CBLB: variants seen among roughly 807,000 people sequenced by gnomAD.
CBLB encodes Cbl proto-oncogene B.
CBLB carries 31 observed loss-of-function variants against 104.9 expected under a neutral mutation model. The observed-to-expected ratio is 0.30, with a 90% CI of 0.22 to 0.40. The LOEUF (loss-of-function observed/expected upper bound fraction) is 0.40, where lower values mean the gene tolerates loss of function less well. CBLB is among the 10% of genes least tolerant of loss of function. The pLI, the probability that CBLB is intolerant of heterozygous loss-of-function variation, is 1.00. For missense variants in CBLB, 1,062 were observed against 1,214.6 expected (o/e 0.87, Z 1.87); for synonymous variants, 440 against 422.6 (o/e 1.04, Z -0.51).
intron 3 of CBLB, among the ~76,000 whole-genome samples, chr3:105,783,515 T>TA (rs1245292411): frequency 6.6e-6 from 1 of 152,204 alleles, no homozygotes; most frequent in East Asian, 1.9e-4. Context: ...AAGTATTTGA[T>TA]ACAGTCATTT....
chr3:105,861,643 T>TC (rs1388876262), intron 2 of CBLB, among the ~76,000 whole-genome samples: 1 of 151,156 alleles, frequency 6.6e-6, no homozygotes, highest in Non-Finnish European at 1.5e-5. Flanking sequence ...CTTTTTTTTT[T>TC]CCCACCAATC....
At chr3:105,805,135 A>G (rs1040887397) in intron 3 of CBLB, among the ~76,000 whole-genome samples, 4 of 152,090 alleles carry the variant, frequency 2.6e-5, no homozygotes, top group African/African-American at 4.8e-5. Context: ...TCATCTTTCT[A>G]AAGCACAGGT....
At chr3:105,809,776 T>C (rs1343317975) in intron 3 of CBLB, among the ~76,000 whole-genome samples, 2 of 152,112 alleles carry the variant, frequency 1.3e-5, no homozygotes, top group African/African-American at 4.8e-5. Flanking sequence ...AGGGATCAGA[T>C]GGGGGAAAGG....
chr3:105,806,944 G>A (rs1368194727), intron 3 of CBLB, among the ~76,000 whole-genome samples: 1 of 152,090 alleles, frequency 6.6e-6, no homozygotes, highest in African/African-American at 2.4e-5. Flanking sequence ...AACTAAAAAT[G>A]GAACCATATG....
chr3:105,748,718 A>G (rs1024724292), intron 5 of CBLB, among the ~76,000 whole-genome samples: 1 of 152,208 alleles, frequency 6.6e-6, no homozygotes, highest in Non-Finnish European at 1.5e-5. Flanking sequence ...GTGACTCCCA[A>G]GTATTTGTTC....
chr3:105,761,754 A>C (rs1425913729), intron 4 of CBLB, among the ~76,000 whole-genome samples: 2 of 152,234 alleles, frequency 1.3e-5, no homozygotes, highest in Non-Finnish European at 2.9e-5. Flanking sequence ...TGCTGTAAAG[A>C]TACCCAAAAA....
intron 9 of CBLB, among the ~76,000 whole-genome samples, chr3:105,728,214 C>T (rs2073911222): frequency 6.6e-6 from 1 of 152,008 alleles, no homozygotes; most frequent in Admixed American, 6.6e-5. Context: ...TTAGAAAACC[C>T]CGTCGTCTCA....
At chr3:105,695,189 T>C (rs1423089233) in intron 12 of CBLB, among the ~76,000 whole-genome samples, 1 of 151,862 alleles carries the variant, frequency 6.6e-6, no homozygotes, top group African/African-American at 2.4e-5. Context: ...TAGTTTGTTA[T>C]TTTAGGACAA....
At chr3:105,759,176 AAG>A (rs2077366381) in intron 4 of CBLB, among the ~76,000 whole-genome samples, 1 of 152,198 alleles carries the variant, frequency 6.6e-6, no homozygotes, top group East Asian at 1.9e-4. Flanking sequence ...CAAGGAGTCA[AAG>A]AGACTCAAAT....
intron 3 of CBLB, among the ~76,000 whole-genome samples, chr3:105,789,523 C>T (rs779709688): frequency 7.9e-5 from 12 of 152,122 alleles, no homozygotes; most frequent in Non-Finnish European, 1.8e-4. Flanking sequence ...AACGTATTTA[C>T]TTAGATAACC....
At chr3:105,688,646 C>A (rs897277974) in intron 13 of CBLB, among the ~76,000 whole-genome samples, 1 of 151,938 alleles carries the variant, frequency 6.6e-6, no homozygotes, top group Non-Finnish European at 1.5e-5. Flanking sequence ...TTACATTATC[C>A]CAATCCTAAC....
rs183595181 is a variant in CBLB at position 105,862,919 on chromosome 3, G to A, written c.168+4491C>T. On this transcript the variant is annotated intron_variant, in intron 2 of 18. Transcript: ENST00000394030. ...GCAAGCAACGGTTCACCTCTACCAC[G>A]TACTACATCTCAGCACTTTATTTAT... 5.9e-5 allele frequency among the ~76,000 whole-genome samples: 9 copies of A among 152,054 alleles called. No homozygotes were observed. In the South Asian group the frequency reaches 1.2e-3, roughly 21 times the overall value.
At chr3:105,681,380 AC>A in intron 16 of CBLB, 98 bp downstream of exon 16, 1 of 1,293,496 alleles carries the variant, frequency 7.7e-7, no homozygotes, top group East Asian at 2.4e-5. Flanking sequence ...CAAATTCACA[AC>A]CCAGTGAGTC....
chr3:105,867,103 G>A (rs2092468236), intron 2 of CBLB, among the ~76,000 whole-genome samples: 1 of 152,106 alleles, frequency 6.6e-6, no homozygotes, highest in Non-Finnish European at 1.5e-5. Flanking sequence ...ACAGAAGACA[G>A]AACAAACACT....
rs1559790254 is a variant in CBLB, at chr3:105,679,335, T to TAA, written c.2429-765_2429-764insTT. Among the ~76,000 whole-genome samples the TAA allele has an allele frequency of 3.1e-3, 235 of 75,138 alleles. 7 individuals are homozygous for TAA. The highest frequency in any genetic ancestry group is 7.1e-3 in the African/African-American group (131 of 18,576). The allele number at this position is 75,138 out of a possible 152,430, so 49.3% of individuals were successfully genotyped here. The stretch of plus-strand genomic sequence containing the variant: ...TCATAGTTTTCATTACCTTGAGTCT[T>TAA]TAAAAAAAAAAAAAAAAAAAAAAAA... On this transcript the variant is annotated intron_variant, in intron 16 of 18. Coordinates refer to ENST00000394030, the MANE Select transcript of CBLB (RefSeq NM_170662.5).
At chr3:105,708,708 G>A (rs531392686) in intron 10 of CBLB, among the ~76,000 whole-genome samples, 193 of 151,962 alleles carry the variant, frequency 1.3e-3, no homozygotes, top group Non-Finnish European at 2.4e-3. Flanking sequence ...TATTGGTGGT[G>A]TTATCTGTAG....
intron 18 of CBLB, among the ~76,000 whole-genome samples, chr3:105,659,900 A>G (rs2063615785): frequency 6.6e-6 from 1 of 152,160 alleles, no homozygotes; most frequent in African/African-American, 2.4e-5. Flanking sequence ...CTTTGCTCAA[A>G]TACTTTATAC....
At chr3:105,815,867 A>T (rs1039831429) in intron 3 of CBLB, among the ~76,000 whole-genome samples, 2 of 152,220 alleles carry the variant, frequency 1.3e-5, no homozygotes, top group Non-Finnish European at 2.9e-5. Context: ...ATGCAGCCAT[A>T]AAAAAGAATG....
chr3:105,753,721 T>C (rs2076793739), intron 4 of CBLB, among the ~76,000 whole-genome samples: 1 of 152,200 alleles, frequency 6.6e-6, no homozygotes, highest in South Asian at 2.1e-4. Flanking sequence ...ATAAAGTTTT[T>C]TTAAAAAGGC....
Sources: gnomAD v4.1 joint callset for allele counts (sites outside exome capture counted in the v4.1 genomes callset) on GRCh38, gnomAD v4.1.1 for gene constraint, MANE v1.5 for transcripts, NCBI Gene and HGNC (gene_info 2026-07-23, HGNC 2026-07-21) for gene names.